CSMD1: variants seen among roughly 807,000 people sequenced by gnomAD.
CSMD1 encodes the protein CUB and sushi domain-containing protein 1.
In CSMD1, 213 loss-of-function variants were observed where a neutral mutation model predicts 417.5. The ratio of observed to expected loss-of-function variants is 0.51; its 90% confidence interval spans 0.46 to 0.57. The LOEUF (loss-of-function observed/expected upper bound fraction) is 0.57, where lower values mean the gene tolerates loss of function less well. CSMD1 is among the 20% of genes least tolerant of loss of function. The pLI, the probability that CSMD1 is intolerant of heterozygous loss-of-function variation, is 0.00. For missense variants in CSMD1, 6,923 were observed against 4,529.7 expected, an observed-to-expected ratio of 1.53 and a Z score of -15.17; for synonymous variants, 2,862 against 1,736.8, an observed-to-expected ratio of 1.65 and a Z score of -16.11.
At chr8:4,789,690 C>G (rs1435433288) in intron 1 of CSMD1, among the ~76,000 whole-genome samples, 1 of 152,198 alleles carries the variant, frequency 6.6e-6, no homozygotes, top group East Asian at 1.9e-4. Context: ...CCAGAATGTA[C>G]TTATTTATGA....
At chr8:4,280,378 C>G (rs558669163) in intron 3 of CSMD1, among the ~76,000 whole-genome samples, 1 of 152,148 alleles carries the variant, frequency 6.6e-6, no homozygotes, top group Admixed American at 6.5e-5. Flanking sequence ...ATAGACACGA[C>G]ATGTTTTCTT....
chr8:4,732,375 G>GTGTC lies in CSMD1; in HGVS notation c.86-94818_86-94817insGACA, dbSNP rs1554461258. Among the ~76,000 whole-genome samples the GTGTC allele has an allele frequency of 3.7e-4, 55 of 150,250 alleles. 1 individual carries two copies. Among genetic ancestry groups the GTGTC allele is most frequent in the Non-Finnish European group, 3.3e-4 (22 of 67,672 alleles). ...TGTGTGTGTGTGTGTGTGTGTGTGT[G>GTGTC]TGTGTGTAGTGTTTTTCCCCTGAGA... On this transcript the variant is annotated intron_variant, in intron 1 of 69. Coordinates refer to ENST00000635120, the MANE Select transcript of CSMD1 (RefSeq NM_033225.6).
intron 7 of CSMD1, among the ~76,000 whole-genome samples, chr8:3,641,088 G>A (rs951873856): frequency 1.6e-5 from 2 of 125,688 alleles, no homozygotes; most frequent in Admixed American, 1.0e-4. Context: ...TCAGGACTCT[G>A]AGAAAGCCTT....
chr8:4,528,995 G>A (rs1161240996), intron 2 of CSMD1, among the ~76,000 whole-genome samples: 1 of 152,174 alleles, frequency 6.6e-6, no homozygotes, highest in African/African-American at 2.4e-5. Flanking sequence ...AACAAAAGGT[G>A]ACGTTTGTAA....
intron 3 of CSMD1, among the ~76,000 whole-genome samples, chr8:4,418,540 C>A (rs1343011847): frequency 6.6e-6 from 1 of 152,074 alleles, no homozygotes; most frequent in Non-Finnish European, 1.5e-5. Context: ...GCCAAGTTTT[C>A]TAAAATGTGG....
intron 11 of CSMD1, among the ~76,000 whole-genome samples, chr8:3,482,868 T>C (rs1286164181): frequency 1.3e-5 from 2 of 152,116 alleles, no homozygotes; most frequent in Non-Finnish European, 2.9e-5. Flanking sequence ...AATAACACAT[T>C]TCTAAATAAT....
At chr8:3,069,064 G>A (rs1252949806) in intron 49 of CSMD1, among the ~76,000 whole-genome samples, 1 of 152,092 alleles carries the variant, frequency 6.6e-6, no homozygotes. Context: ...TCAAAAATAA[G>A]TTTGTAGCTT....
chr8:4,331,346 C>T (rs937859269), intron 3 of CSMD1, among the ~76,000 whole-genome samples: 3 of 152,242 alleles, frequency 2.0e-5, no homozygotes, highest in Admixed American at 1.3e-4. Context: ...AATTTTACCC[C>T]GCCCCTCAAA....
At chr8:4,169,694 C>A (rs138982083) in intron 3 of CSMD1, among the ~76,000 whole-genome samples, 2 of 152,228 alleles carry the variant, frequency 1.3e-5, no homozygotes, top group African/African-American at 2.4e-5. Flanking sequence ...TGGCTCCCTG[C>A]CCTGTGCATG....
intron 3 of CSMD1, among the ~76,000 whole-genome samples, chr8:4,418,642 T>C (rs1022651520): frequency 6.6e-6 from 1 of 152,108 alleles, no homozygotes; most frequent in African/African-American, 2.4e-5. Context: ...AGAGATGCTT[T>C]TGTAATATTC....
chr8:3,741,979 G>GTTT (rs60936991), intron 6 of CSMD1, among the ~76,000 whole-genome samples: 1,763 of 146,162 alleles, frequency 0.012, 36 homozygotes, highest in African/African-American at 0.04. Context: ...AAGAATCTTG[G>GTTT]TTTTTTTTTT....
At chr8:4,587,809 G>T (rs1387432895) in intron 2 of CSMD1, among the ~76,000 whole-genome samples, 1 of 152,120 alleles carries the variant, frequency 6.6e-6, no homozygotes, top group East Asian at 1.9e-4. Context: ...GTACCATTTT[G>T]TTAAAACATT....
rs79694003 is a variant in CSMD1, at chr8:3,711,627, G to A, written c.932-3136C>T. On this transcript the variant is annotated intron_variant, in intron 6 of 69. Coordinates refer to ENST00000635120, the MANE Select transcript of CSMD1 (RefSeq NM_033225.6). ...CTGTGTTGTGGTGACAAATATCACA[G>A]GAAAGGGAACACGAGATGGGGTATC... Among the ~76,000 whole-genome samples, 111 of 152,260 alleles carry A rather than the reference G, an allele frequency of 7.3e-4. 1 individual carries two copies. In the East Asian group the frequency reaches 0.015, roughly 20 times the overall value.
Position 2,973,271 on chromosome 8 carries a change from C to G in CSMD1, c.8769G>C (p.Pro2923=). The change falls in exon 57 of 70, where the codon CCG becomes CCC. Residue 2923 remains proline (P), a synonymous_variant. Transcript: ENST00000635120. The part of the protein sequence containing the change: ...TGNNPGFCGD[P]GTPAHGSRLG... Reference sequence around the variant, plus strand: ...GCCGAGACCCATGTGCTGGGGTCCCCGGATCACCACAGAATCCAGGATTAT... The same window carrying G: ...GCCGAGACCCATGTGCTGGGGTCCCGGGATCACCACAGAATCCAGGATTAT... 1 of 1,613,820 alleles carries G rather than the reference C, an allele frequency of 6.2e-7. No individual in the cohort carries two copies. The highest frequency in any genetic ancestry group is 1.1e-5 in the South Asian group (1 of 91,076).
At chr8:4,343,882 A>G (rs776269974) in intron 3 of CSMD1, among the ~76,000 whole-genome samples, 2 of 152,166 alleles carry the variant, frequency 1.3e-5, no homozygotes, top group African/African-American at 2.4e-5. Flanking sequence ...GGTCAACTCA[A>G]TAACTAATTT....
At chr8:3,292,593 G>A (rs1311036456) in intron 25 of CSMD1, among the ~76,000 whole-genome samples, 1 of 152,094 alleles carries the variant, frequency 6.6e-6, no homozygotes, top group African/African-American at 2.4e-5. Flanking sequence ...GGCCTTCTTT[G>A]TCTCTTTTGA....
Position 4,853,001 on chromosome 8 carries a change from A to G in CSMD1, c.85+141331T>C, listed in dbSNP as rs79710911. Among the ~76,000 whole-genome samples, 276 of 152,362 alleles carry G rather than the reference A, an allele frequency of 1.8e-3. 6 individuals carry two copies. The East Asian group carries it at 0.042, about 23-fold the overall frequency. ...GCTGCTTATAACAGTCTACACTCAGATGCAGGCACATTAAATGACTTAAAG... is the reference window on the plus strand; with the variant it reads ...GCTGCTTATAACAGTCTACACTCAGGTGCAGGCACATTAAATGACTTAAAG... On this transcript the variant is annotated intron_variant, in intron 1 of 69. Coordinates refer to ENST00000635120, the MANE Select transcript of CSMD1 (RefSeq NM_033225.6).
chr8:4,034,811 C>G (rs890341718), intron 3 of CSMD1, among the ~76,000 whole-genome samples: 41 of 152,162 alleles, frequency 2.7e-4, no homozygotes, highest in African/African-American at 9.4e-4. Context: ...TCTTAGAAGG[C>G]ACACATTTTC....
At chr8:4,354,383 A>T (rs970061306) in intron 3 of CSMD1, among the ~76,000 whole-genome samples, 1 of 152,204 alleles carries the variant, frequency 6.6e-6, no homozygotes, top group African/African-American at 2.4e-5. Flanking sequence ...GTCATTTCGT[A>T]ACTATTAAAA....
Sources: allele counts gnomAD v4.1 joint callset (sites outside exome capture counted in the v4.1 genomes callset), GRCh38; gene constraint gnomAD v4.1.1; transcripts MANE v1.5; gene names NCBI Gene and HGNC (gene_info 2026-07-23, HGNC 2026-07-21).